The following MYO1E variants were observed in gnomAD, a reference collection of about 807,000 sequenced individuals.
The protein encoded by MYO1E is myosin IE.
MYO1E carries 68 observed loss-of-function variants against 151.1 expected under a neutral mutation model. That is an observed-to-expected ratio of 0.45 (90% CI 0.37 to 0.55). MYO1E has a LOEUF of 0.55. Among genes scored for constraint, MYO1E ranks in the 20% least tolerant of loss-of-function variants. MYO1E has a pLI of 0.00. For synonymous variants in MYO1E, 601 were observed against 501.7 expected (o/e 1.20, Z -2.64); for missense variants, 1,363 against 1,389.3 (o/e 0.98, Z 0.30).
At chr15:59,185,911 G>C (rs963764720) in intron 18 of MYO1E, among the ~76,000 whole-genome samples, 1 of 152,126 alleles carries the variant, frequency 6.6e-6, no homozygotes, top group Non-Finnish European at 1.5e-5. Context: ...GACAGACTTC[G>C]CAGCAAAGAA....
chr15:59,362,980 T>TTTC (rs1353924135), intron 1 of MYO1E, among the ~76,000 whole-genome samples: 2 of 148,272 alleles, frequency 1.3e-5, no homozygotes, highest in African/African-American at 4.9e-5. Context: ...GACTTTCTTT[T>TTTC]TTTTTTTTTT....
At chr15:59,301,800 T>C (rs1379409810) in intron 1 of MYO1E, among the ~76,000 whole-genome samples, 3 of 152,192 alleles carry the variant, frequency 2.0e-5, no homozygotes, top group Admixed American at 1.3e-4. Context: ...AACTCTTTTG[T>C]TTCCAACCTC....
intron 21 of MYO1E, 42 bp downstream of exon 21, chr15:59,173,704 G>GA (rs1461305213): frequency 6.2e-7 from 1 of 1,605,004 alleles, no homozygotes; most frequent in African/African-American, 1.3e-5. Flanking sequence ...AAAAAATAAG[G>GA]AATCTGTTTG....
intron 16 of MYO1E, among the ~76,000 whole-genome samples, chr15:59,196,754 G>C (rs760101276): frequency 6.6e-6 from 1 of 152,100 alleles, no homozygotes; most frequent in Non-Finnish European, 1.5e-5. Context: ...GGGCTGCAGA[G>C]GTTGCATGAT....
intron 1 of MYO1E, among the ~76,000 whole-genome samples, chr15:59,343,997 G>A (rs1414261936): frequency 6.6e-6 from 1 of 152,142 alleles, no homozygotes; most frequent in African/African-American, 2.4e-5. Context: ...CTGTCTCTCT[G>A]GGATTGACCC....
intron 1 of MYO1E, among the ~76,000 whole-genome samples, chr15:59,356,883 TTTTTTTTGTTTG>T (rs1567023775): frequency 9.5e-6 from 1 of 104,806 alleles, no homozygotes. Flanking sequence ...TGTTAAGTTT[TTTTTTTTGTTTG>T]TTTGTTTGTT....
chr15:59,189,886 G>A (rs1393791407), intron 17 of MYO1E, among the ~76,000 whole-genome samples: 1 of 152,212 alleles, frequency 6.6e-6, no homozygotes, highest in Non-Finnish European at 1.5e-5. Flanking sequence ...AAAAATGGAT[G>A]TAAAGAACTA....
chr15:59,268,122 C>A (rs2080267391), intron 2 of MYO1E, among the ~76,000 whole-genome samples: 3 of 152,122 alleles, frequency 2.0e-5, no homozygotes, highest in Non-Finnish European at 4.4e-5. Flanking sequence ...AGGAAAAAAC[C>A]CAACTCTTAC....
At chr15:59,254,000 T>A (rs1187169734) in intron 4 of MYO1E, among the ~76,000 whole-genome samples, 2 of 149,316 alleles carry the variant, frequency 1.3e-5, no homozygotes, top group Non-Finnish European at 3.0e-5. Flanking sequence ...AGGTGCGGTG[T>A]GTAGGCCTTG....
At chr15:59,328,635 G>A (rs1239408590) in intron 1 of MYO1E, among the ~76,000 whole-genome samples, 1 of 152,122 alleles carries the variant, frequency 6.6e-6, no homozygotes, top group Non-Finnish European at 1.5e-5. Context: ...AGATGACCCT[G>A]ATCAGAATAC....
chr15:59,372,449 T>C (rs1399458276), intron 1 of MYO1E, 49 bp downstream of exon 1: 2 of 1,536,398 alleles, frequency 1.3e-6, no homozygotes, highest in Non-Finnish European at 8.7e-7. Flanking sequence ...CGGGGTTTCC[T>C]GCCCCGTCCC....
In MYO1E at chr15:59,135,417, T is replaced by C. The variant is rs1475822811; in HGVS notation, c.*1963A>G. The C allele has an allele frequency of 6.6e-6, 1 of 152,250 alleles. No individual in the cohort carries two copies. Among genetic ancestry groups the C allele is most frequent in the Non-Finnish European group, 1.5e-5 (1 of 68,070 alleles). The allele number at this position is 152,250 out of a possible 1,614,324, so 9.4% of individuals were successfully genotyped here. A position where few individuals can be genotyped will look rare whatever the true frequency, so the allele number is the denominator to read the frequency against. On this transcript the variant is annotated 3_prime_UTR_variant, in exon 28 of 28. Coordinates refer to ENST00000288235, the MANE Select transcript of MYO1E (RefSeq NM_004998.4). ...AACGCAGCCTGAGTGCTGGTGGCTG[T>C]GGGGACTCCAGCATGCTCCTCTGTC...
intron 1 of MYO1E, among the ~76,000 whole-genome samples, chr15:59,351,056 C>A (rs2080820609): frequency 6.6e-6 from 1 of 152,172 alleles, no homozygotes; most frequent in Non-Finnish European, 1.5e-5. Context: ...ACCACCACGC[C>A]CAGCTAATTT....
chr15:59,219,278 C>A (rs1225517619), intron 9 of MYO1E, among the ~76,000 whole-genome samples: 1 of 152,158 alleles, frequency 6.6e-6, no homozygotes, highest in African/African-American at 2.4e-5. Context: ...TGACACCATT[C>A]TTTGACATGA....
intron 16 of MYO1E, among the ~76,000 whole-genome samples, chr15:59,200,060 C>T (rs775484156): frequency 5.3e-5 from 8 of 152,182 alleles, no homozygotes; most frequent in Non-Finnish European, 1.2e-4. Flanking sequence ...TAAACCTAAA[C>T]ATTTTGGAAA....
At chr15:59,144,386 T>TCA (rs1200446228) in intron 26 of MYO1E, among the ~76,000 whole-genome samples, 10 of 151,972 alleles carry the variant, frequency 6.6e-5, no homozygotes, top group Non-Finnish European at 1.3e-4. Context: ...AGGCTGGTGT[T>TCA]GAACTCCTGA....
At chr15:59,141,106 C>T (rs905411743) in intron 26 of MYO1E, among the ~76,000 whole-genome samples, 3 of 152,122 alleles carry the variant, frequency 2.0e-5, no homozygotes, top group Non-Finnish European at 4.4e-5. Flanking sequence ...AGCCTGGATA[C>T]CAGACGTCAT....
chr15:59,295,056 G>A (rs1011452938), intron 1 of MYO1E, among the ~76,000 whole-genome samples: 6 of 152,064 alleles, frequency 3.9e-5, no homozygotes, highest in Non-Finnish European at 8.8e-5. Flanking sequence ...AGTGACCTGA[G>A]GATGGGGCAT....
At chr15:59,153,456 G>A in intron 26 of MYO1E, 134 bp downstream of exon 26, 1 of 927,400 alleles carries the variant, frequency 1.1e-6, no homozygotes, top group Non-Finnish European at 1.7e-6. Context: ...CTTGGGTCCT[G>A]GCATATAGCA....
Sources: allele counts gnomAD v4.1 joint callset (sites outside exome capture counted in the v4.1 genomes callset), GRCh38; gene constraint gnomAD v4.1.1; transcripts MANE v1.5; gene names NCBI Gene and HGNC (gene_info 2026-07-23, HGNC 2026-07-21).